GDAP1: variants seen among roughly 807,000 people sequenced by gnomAD.
GDAP1 encodes the protein ganglioside-induced differentiation-associated protein 1.
A neutral mutation model predicts 40.1 loss-of-function variants in GDAP1; 34 were observed. The ratio of observed to expected loss-of-function variants is 0.85; its 90% CI spans 0.64 to 1.13. The LOEUF is 1.13. Among genes scored for constraint, GDAP1 ranks in the 50% most tolerant of loss-of-function variants. The probability of loss-of-function intolerance (pLI) is 0.00; values close to 1 mark genes in which losing one functional copy is unlikely to be tolerated. For synonymous variants in GDAP1, 170 were observed against 157.4 expected, an observed-to-expected ratio of 1.08 and a Z score of -0.60; for missense variants, 374 against 433.7, an observed-to-expected ratio of 0.86 and a Z score of 1.22.
chr8:74,397,838 G>T (rs969428484), intron 2 of GDAP1, among the ~76,000 whole-genome samples: 2 of 151,850 alleles, frequency 1.3e-5, no homozygotes, highest in East Asian at 3.9e-4. Context: ...TGGCGATGCG[G>T]GCTCTTTTTT....
intron 2 of GDAP1, among the ~76,000 whole-genome samples, chr8:74,404,371 C>A (rs767397957): frequency 4.9e-4 from 73 of 149,298 alleles, no homozygotes; most frequent in Non-Finnish European, 2.2e-4. Flanking sequence ...ATAGTAATAT[C>A]ATTTTCTAGA....
intron 2 of GDAP1, among the ~76,000 whole-genome samples, chr8:74,457,421 G>C (rs1806349627): frequency 6.6e-6 from 1 of 151,978 alleles, no homozygotes; most frequent in Non-Finnish European, 1.5e-5. Flanking sequence ...AAGGGCCAGA[G>C]TATTTTGAAT....
intron 2 of GDAP1, among the ~76,000 whole-genome samples, chr8:74,386,272 G>T (rs1269269852): frequency 6.6e-6 from 1 of 152,180 alleles, no homozygotes; most frequent in Non-Finnish European, 1.5e-5. Context: ...CCATGCCTAT[G>T]TCCTGAATGG....
intron 2 of GDAP1, among the ~76,000 whole-genome samples, chr8:74,429,049 A>AT (rs1344661099): frequency 2.6e-5 from 4 of 151,936 alleles, no homozygotes; most frequent in Non-Finnish European, 4.4e-5. Flanking sequence ...TGAACTCATC[A>AT]TTTTTTATGG....
intron 2 of GDAP1, among the ~76,000 whole-genome samples, chr8:74,401,047 C>T (rs1229678965): frequency 2.9e-4 from 43 of 149,138 alleles, no homozygotes; most frequent in Admixed American, 2.8e-3. Context: ...TTGCTCTTCT[C>T]GAGGAGTATC....
In GDAP1 at chr8:74,361,910, C is replaced by T; in HGVS notation, c.511C>T (p.Leu171=). Residue 171 remains leucine, a synonymous_variant, in exon 4 of 6, where the codon CTG becomes TTG. Coordinates refer to ENST00000220822, the MANE Select transcript of GDAP1 (RefSeq NM_018972.4). ...RSQIGNTESE[L]KKLAEENPDL... Reference sequence around the variant, plus strand: ...CCAAATTGGAAACACAGAGTCTGAGCTGAAGAAACTTGCTGAAGAAAACCC... The same window carrying T: ...CCAAATTGGAAACACAGAGTCTGAGTTGAAGAAACTTGCTGAAGAAAACCC... 3.1e-6 allele frequency: 5 copies of T among 1,606,342 alleles called. No individual in the cohort carries two copies. The highest frequency in any genetic ancestry group is 4.3e-6 in the Non-Finnish European group (5 of 1,172,972).
chr8:74,423,899 C>T (rs1401958385), intron 2 of GDAP1, among the ~76,000 whole-genome samples: 1 of 152,090 alleles, frequency 6.6e-6, no homozygotes, highest in African/African-American at 2.4e-5. Flanking sequence ...GGGAAGTTCC[C>T]TGGGTACTCA....
At position 74,453,077 on chromosome 8, in the gene GDAP1, G is replaced by A. The variant is rs1806304938; in HGVS notation, c.166-35601G>A. 3.6e-5 allele frequency among the ~76,000 whole-genome samples: 3 copies of A among 83,070 alleles called. 1 individual carries two copies. Among genetic ancestry groups the A allele is most frequent in the African/African-American group, 5.3e-5 (1 of 18,990 alleles). 54.5% of individuals were successfully genotyped at this position (83,070 alleles called of 152,430 possible). On this transcript the variant is annotated intron_variant, in intron 2 of 2. Coordinates refer to the GDAP1 transcript ENST00000523640. ...CTATGCATAAACAGTGGGTTCTGGA[G>A]TTCTGGAGTTTCAGTGGAAAGTCTA...
chr8:74,378,693 C>T (rs941245062), intron 2 of GDAP1, among the ~76,000 whole-genome samples: 2 of 152,142 alleles, frequency 1.3e-5, no homozygotes, highest in South Asian at 2.1e-4. Flanking sequence ...ACATAATTAC[C>T]AAAATGGGGA....
At chr8:74,419,319 A>G (rs1260843305) in intron 2 of GDAP1, among the ~76,000 whole-genome samples, 3 of 152,234 alleles carry the variant, frequency 2.0e-5, no homozygotes, top group Non-Finnish European at 4.4e-5. Flanking sequence ...GGGTATTCAT[A>G]TAATGTAATA....
chr8:74,416,343 G>C (rs1223038625), intron 2 of GDAP1, among the ~76,000 whole-genome samples: 2 of 150,116 alleles, frequency 1.3e-5, no homozygotes, highest in Admixed American at 1.3e-4. Flanking sequence ...GTAACATGAG[G>C]CATGCACAAA....
In GDAP1 at chr8:74,390,633, G is replaced by A. The variant is rs992913405; in HGVS notation, c.165+39312G>A. On this transcript the variant is annotated intron_variant, in intron 2 of 2. Transcript: ENST00000523640. ...GATGTCTGTTGACCCTTGCTGGGAG[G>A]TGTCTGCCAGTCAGAAGGCATGGGG... 2.6e-5 allele frequency among the ~76,000 whole-genome samples: 4 copies of A among 152,200 alleles called. No individual in the cohort carries two copies. The South Asian group carries it at 8.3e-4, about 32-fold the overall frequency.
chr8:74,424,268 GCA>G lies in GDAP1; in HGVS notation c.166-64405_166-64404del, dbSNP rs1023050939. ...GAAAAAGAGTCCATACATGTTCAGT[GCA>G]CACAGTTTTTCCCCAAATATTGTCA... On this transcript the variant is annotated intron_variant, in intron 2 of 2. Transcript: ENST00000523640. Among the ~76,000 whole-genome samples the G allele has an allele frequency of 3.2e-3, 482 of 152,144 alleles. 1 individual carries two copies. Among genetic ancestry groups the G allele is most frequent in the African/African-American group, 0.011 (456 of 41,530 alleles).
intron 2 of GDAP1, among the ~76,000 whole-genome samples, chr8:74,388,025 C>T (rs1389263117): frequency 6.6e-6 from 1 of 152,130 alleles, no homozygotes; most frequent in Non-Finnish European, 1.5e-5. Context: ...GTGATATCCT[C>T]TTTATCATTT....
intron 2 of GDAP1, among the ~76,000 whole-genome samples, chr8:74,384,166 T>C (rs1380662474): frequency 6.6e-6 from 1 of 152,218 alleles, no homozygotes; most frequent in Admixed American, 6.5e-5. Context: ...AGTCCATTAA[T>C]ATATAATGTA....
At chr8:74,373,300 A>C (rs1389769982) in intron 2 of GDAP1, among the ~76,000 whole-genome samples, 1 of 152,196 alleles carries the variant, frequency 6.6e-6, no homozygotes, top group Non-Finnish European at 1.5e-5. Context: ...GAAGAAAGTC[A>C]TTGGTAACTT....
At chr8:74,356,309 A>G (rs944357776) in intron 2 of GDAP1, among the ~76,000 whole-genome samples, 2 of 152,190 alleles carry the variant, frequency 1.3e-5, no homozygotes, top group African/African-American at 4.8e-5. Flanking sequence ...CTCTTTCTAT[A>G]TAATATGTAT....
chr8:74,374,641 A>G (rs1239793670), intron 2 of GDAP1, among the ~76,000 whole-genome samples: 1 of 152,224 alleles, frequency 6.6e-6, no homozygotes, highest in Non-Finnish European at 1.5e-5. Flanking sequence ...TAAATTACCA[A>G]TATCACATAA....
At chr8:74,415,992 G>A (rs1805773080) in intron 2 of GDAP1, among the ~76,000 whole-genome samples, 1 of 149,822 alleles carries the variant, frequency 6.7e-6, no homozygotes, top group Non-Finnish European at 1.5e-5. Flanking sequence ...GGAAAGCAGT[G>A]GTTTCTGTCT....
Sources: gnomAD v4.1 joint callset for allele counts (sites outside exome capture counted in the v4.1 genomes callset) on GRCh38, gnomAD v4.1.1 for gene constraint, MANE v1.5 for transcripts, NCBI Gene and HGNC (gene_info 2026-07-23, HGNC 2026-07-21) for gene names.